The following RNGTT variants were observed in gnomAD, a reference collection of about 807,000 sequenced individuals.
RNGTT encodes mRNA-capping enzyme.
Under a neutral mutation model 79.3 loss-of-function variants are expected in RNGTT, and 33 were observed. The ratio of observed to expected loss-of-function variants is 0.42; its 90% CI spans 0.32 to 0.56. RNGTT has a LOEUF of 0.56. RNGTT is among the 20% of genes least tolerant of loss of function. The pLI, the probability that RNGTT is intolerant of heterozygous loss-of-function variation, is 0.17. For synonymous variants in RNGTT, 222 were observed against 235.9 expected, an observed-to-expected ratio of 0.94 and a Z score of 0.54; for missense variants, 497 against 739.1, an observed-to-expected ratio of 0.67 and a Z score of 3.80.
At chr6:88,814,501 C>T (rs1780252561) in intron 11 of RNGTT, among the ~76,000 whole-genome samples, 1 of 152,104 alleles carries the variant, frequency 6.6e-6, no homozygotes, top group South Asian at 2.1e-4. Flanking sequence ...ATAATCAAAT[C>T]ACAATGAAAT....
At chr6:88,904,689 C>T in intron 6 of RNGTT, 26 bp downstream of exon 6, 1 of 1,550,070 alleles carries the variant, frequency 6.5e-7, no homozygotes, top group East Asian at 2.3e-5. Context: ...AAAAAAAAAA[C>T]CTATTATAAT....
chr6:88,723,010 A>G (rs1776756046), intron 13 of RNGTT, among the ~76,000 whole-genome samples: 1 of 152,246 alleles, frequency 6.6e-6, no homozygotes, highest in Non-Finnish European at 1.5e-5. Context: ...TATTTACAAT[A>G]GTGTATTTGT....
At chr6:88,865,184 T>C (rs1782128537) in intron 8 of RNGTT, among the ~76,000 whole-genome samples, 1 of 152,074 alleles carries the variant, frequency 6.6e-6, no homozygotes, top group South Asian at 2.1e-4. Flanking sequence ...CACAGTAATA[T>C]AGTATCAGCT....
At chr6:88,793,684 G>A (rs1779495972) in intron 12 of RNGTT, among the ~76,000 whole-genome samples, 1 of 152,106 alleles carries the variant, frequency 6.6e-6, no homozygotes, top group Non-Finnish European at 1.5e-5. Flanking sequence ...GGCCAACAAG[G>A]TAAAATGCCA....
chr6:88,887,098 C>G (rs1457452394), intron 8 of RNGTT, among the ~76,000 whole-genome samples: 1 of 150,120 alleles, frequency 6.7e-6, no homozygotes, highest in Admixed American at 6.6e-5. Flanking sequence ...TATCTCCAGG[C>G]CCTCAGGCCT....
intron 13 of RNGTT, among the ~76,000 whole-genome samples, chr6:88,767,209 A>G (rs1306164881): frequency 1.3e-5 from 2 of 152,140 alleles, no homozygotes; most frequent in Non-Finnish European, 2.9e-5. Context: ...TCTGAAAATC[A>G]CCTTAGAGAA....
chr6:88,876,513 T>C (rs1397208108), intron 8 of RNGTT, among the ~76,000 whole-genome samples: 1 of 152,206 alleles, frequency 6.6e-6, no homozygotes, highest in Non-Finnish European at 1.5e-5. Context: ...AGACCCTGTC[T>C]CAAAAAACAA....
Position 88,670,609 on chromosome 6 carries a change from C to T in RNGTT, c.1506+7744G>A, listed in dbSNP as rs1375810225. Reference sequence around the variant, plus strand: ...TGGCCAGATGGTTTAGTGCCAAGAACCAGGCCTGGTAGTTAAACATCAACT... The same window carrying T: ...TGGCCAGATGGTTTAGTGCCAAGAATCAGGCCTGGTAGTTAAACATCAACT... On this transcript the variant is annotated intron_variant, in intron 14 of 15. Coordinates refer to ENST00000369485, the MANE Select transcript of RNGTT (RefSeq NM_003800.5). 4.6e-5 allele frequency among the ~76,000 whole-genome samples: 7 copies of T among 152,124 alleles called. No homozygotes were observed. In the South Asian group the frequency reaches 8.3e-4, roughly 18 times the overall value.
At chr6:88,927,391 G>C (rs540148984) in intron 4 of RNGTT, among the ~76,000 whole-genome samples, 110 of 152,192 alleles carry the variant, frequency 7.2e-4, no homozygotes, top group Non-Finnish European at 1.3e-3. Context: ...AGCCCGGCAC[G>C]GTGGCTCACA....
At chr6:88,941,790 C>CA (rs1426192231) in intron 1 of RNGTT, among the ~76,000 whole-genome samples, 2 of 151,106 alleles carry the variant, frequency 1.3e-5, no homozygotes, top group South Asian at 4.2e-4. Flanking sequence ...CAGCCAAGGA[C>CA]AAAAAAATTA....
intron 11 of RNGTT, among the ~76,000 whole-genome samples, chr6:88,820,152 C>T (rs941845022): frequency 6.6e-6 from 1 of 152,078 alleles, no homozygotes; most frequent in Non-Finnish European, 1.5e-5. Flanking sequence ...AACCTATAGG[C>T]TCCTACCAAT....
At chr6:88,680,280 AG>A (rs1464993521) in intron 13 of RNGTT, among the ~76,000 whole-genome samples, 5 of 152,170 alleles carry the variant, frequency 3.3e-5, no homozygotes, top group Non-Finnish European at 7.4e-5. Context: ...CTGTGATGCT[AG>A]GTGGTATAAT....
At chr6:88,814,290 A>G (rs1780243605) in intron 11 of RNGTT, among the ~76,000 whole-genome samples, 1 of 152,228 alleles carries the variant, frequency 6.6e-6, no homozygotes, top group African/African-American at 2.4e-5. Flanking sequence ...GGGCATATAG[A>G]GTTGCTTCTA....
chr6:88,843,548 CTTTTTTT>C (rs11312733), intron 11 of RNGTT, among the ~76,000 whole-genome samples: 7 of 66,634 alleles, frequency 1.1e-4, no homozygotes, highest in Admixed American at 1.8e-4. Flanking sequence ...TAGTATGATT[CTTTTTTT>C]TTTTTTTTTT....
intron 2 of RNGTT, among the ~76,000 whole-genome samples, chr6:88,935,291 C>T (rs993634456): frequency 6.6e-6 from 1 of 152,160 alleles, no homozygotes; most frequent in African/African-American, 2.4e-5. Flanking sequence ...TCTGTTTTTA[C>T]ACCAATGCCA....
intron 12 of RNGTT, among the ~76,000 whole-genome samples, chr6:88,795,711 C>G (rs906100292): frequency 1.3e-5 from 2 of 151,636 alleles, no homozygotes; most frequent in Non-Finnish European, 1.5e-5. Context: ...CCAAAAAAAG[C>G]AAACAAACAA....
rs539413248 is a variant in RNGTT, at chr6:88,711,015, T to C, written c.1440-32596A>G. On this transcript the variant is annotated intron_variant, in intron 13 of 15. Coordinates refer to ENST00000369485, the MANE Select transcript of RNGTT (RefSeq NM_003800.5). ...TTTTACTTGTTTCCTTCATTTCTAA[T>C]TTCAAATGAACAGAAAATCTAGTCT... Among the ~76,000 whole-genome samples, 12 of 152,320 alleles carry C rather than the reference T, an allele frequency of 7.9e-5. No individual in the cohort carries two copies. In the East Asian group the frequency reaches 2.3e-3, roughly 29 times the overall value.
intron 14 of RNGTT, among the ~76,000 whole-genome samples, chr6:88,632,800 T>C (rs1377670837): frequency 2.0e-5 from 3 of 152,226 alleles, no homozygotes; most frequent in Admixed American, 1.3e-4. Flanking sequence ...TAGTCTAGTA[T>C]AATTCTAATC....
At chr6:88,835,803 A>G (rs912785153) in intron 11 of RNGTT, among the ~76,000 whole-genome samples, 13 of 152,032 alleles carry the variant, frequency 8.6e-5, no homozygotes, top group Non-Finnish European at 1.6e-4. Context: ...AACTACCAGA[A>G]TTTTAAGGTG....
Sources: allele counts gnomAD v4.1 joint callset (sites outside exome capture counted in the v4.1 genomes callset), GRCh38; gene constraint gnomAD v4.1.1; transcripts MANE v1.5; gene names NCBI Gene and HGNC (gene_info 2026-07-23, HGNC 2026-07-21).